Variants in ZNF610 observed in about 807,000 individuals in gnomAD.
ZNF610 encodes zink finger protein.
ZNF610 carries 14 observed loss-of-function variants against 14.1 expected under a neutral mutation model. The observed-to-expected ratio is 0.99, with a 90% CI of 0.65 to 1.55. The LOEUF is 1.55. Among genes scored for constraint, ZNF610 ranks in the 40% most tolerant of loss-of-function variants. ZNF610 has a pLI of 0.00. For synonymous variants in ZNF610, 185 were observed against 187.6 expected, an observed-to-expected ratio of 0.99 and a Z score of 0.11; for missense variants, 530 against 558.0, an observed-to-expected ratio of 0.95 and a Z score of 0.51.
chr19:52,356,047 A>G (rs2122247626), intron 5 of ZNF610, among the ~76,000 whole-genome samples: 1 of 152,224 alleles, frequency 6.6e-6, no homozygotes, highest in East Asian at 1.9e-4. Context: ...AATCAGCCCC[A>G]TCCAAGGAAC....
rs184669364 is a variant in ZNF610, at chr19:52,339,163, G to A, written c.-258+2657G>A. On this transcript the variant is annotated intron_variant, in intron 1 of 5. Coordinates refer to ENST00000403906, the MANE Select transcript of ZNF610 (RefSeq NM_001161425.2). ...CATGTCTCACCTCCAGCCCTAAGGC[G>A]GTTTTCTCCTATCTCAGTAAATAGA... 5.3e-5 allele frequency among the ~76,000 whole-genome samples: 8 copies of A among 151,930 alleles called. No homozygotes were observed. In the East Asian group the frequency reaches 1.2e-3, roughly 22 times the overall value.
the ZNF610 span, among the ~76,000 whole-genome samples, chr19:52,331,130 C>T: frequency 6.6e-6 from 1 of 152,112 alleles, no homozygotes; most frequent in Non-Finnish European, 1.5e-5. Context: ...ATTTTTATAG[C>T]TGAGAAACCT....
intron 1 of ZNF610, among the ~76,000 whole-genome samples, chr19:52,339,739 A>T (rs1305579369): frequency 6.6e-6 from 1 of 152,134 alleles, no homozygotes; most frequent in East Asian, 1.9e-4. Context: ...CACACACCAC[A>T]ACCATTGCCT....
chr19:52,364,092 A>G (rs970727731), intron 5 of ZNF610, among the ~76,000 whole-genome samples: 28 of 152,250 alleles, frequency 1.8e-4, no homozygotes, highest in African/African-American at 6.8e-4. Flanking sequence ...AAATGTCAAC[A>G]GCTTAACCTT....
intron 5 of ZNF610, among the ~76,000 whole-genome samples, chr19:52,361,345 AT>A (rs1349053497): frequency 6.6e-6 from 1 of 151,372 alleles, no homozygotes; most frequent in Admixed American, 6.6e-5. Flanking sequence ...GGCCTGGCTA[AT>A]TTTTTGTATT....
At chr19:52,340,654 A>G (rs1984642736) in intron 1 of ZNF610, among the ~76,000 whole-genome samples, 1 of 143,454 alleles carries the variant, frequency 7.0e-6, no homozygotes, top group South Asian at 2.3e-4. Context: ...GGTGTCGTTA[A>G]TTTTTTTGTC....
At chr19:52,359,554 C>A (rs1296190330) in intron 5 of ZNF610, among the ~76,000 whole-genome samples, 1 of 152,178 alleles carries the variant, frequency 6.6e-6, no homozygotes, top group African/African-American at 2.4e-5. Context: ...GGAACTCAGG[C>A]ATCCACAGAT....
At chr19:52,334,237 G>A (rs1457559588), upstream of ZNF610, among the ~76,000 whole-genome samples, 5 of 149,520 alleles carry the variant, frequency 3.3e-5, no homozygotes, top group Admixed American at 6.7e-5. Flanking sequence ...AATTTAGGCC[G>A]GGCTTGGTGG....
At chr19:52,338,491 C>T (rs1984485976) in intron 1 of ZNF610, among the ~76,000 whole-genome samples, 1 of 152,188 alleles carries the variant, frequency 6.6e-6, no homozygotes, top group East Asian at 1.9e-4. Flanking sequence ...TCAAGACCAG[C>T]GTGGCCAACA....
At chr19:52,363,685 T>C (rs2560968) in intron 5 of ZNF610, among the ~76,000 whole-genome samples, 30,179 of 152,174 alleles carry the variant, frequency 0.2, 3,175 homozygotes, top group East Asian at 0.32. Flanking sequence ...GACACCTCTG[T>C]GCTCTGCTGG....
chr19:52,353,664 A>G lies in ZNF610; in HGVS notation c.64-18A>G, dbSNP rs374738593. The G allele has an allele frequency of 1.4e-4, 233 of 1,612,992 alleles. No homozygotes were observed. The highest frequency in any genetic ancestry group is 1.9e-4 in the Non-Finnish European group (225 of 1,179,480). On this transcript the variant is annotated intron_variant, in intron 3 of 5. Coordinates refer to ENST00000403906, the MANE Select transcript of ZNF610 (RefSeq NM_001161425.2). The stretch of plus-strand genomic sequence containing the variant: ...TTCTACATTTTTAGTGTTGTAAACA[A>G]TGTGGTCCTCATTTTAGGGACGCTT...
chr19:52,336,115 A>C (rs1366287981), upstream of ZNF610: 1 of 153,634 alleles, frequency 6.5e-6, no homozygotes, highest in Non-Finnish European at 1.5e-5. Context: ...CAGTTTGCAG[A>C]GGGCTGAGCT....
chr19:52,358,403 C>T (rs1473430651), intron 5 of ZNF610, among the ~76,000 whole-genome samples: 2 of 152,186 alleles, frequency 1.3e-5, no homozygotes, highest in East Asian at 3.9e-4. Context: ...AGGATGGTCT[C>T]GATCTCCTGA....
intron 1 of ZNF610, among the ~76,000 whole-genome samples, chr19:52,344,715 A>G (rs1014066683): frequency 1.3e-5 from 2 of 152,240 alleles, no homozygotes; most frequent in Admixed American, 1.3e-4. Context: ...TTACACAGAA[A>G]GTTCCAAAAA....
chr19:52,361,701 C>T (rs941463396), intron 5 of ZNF610, among the ~76,000 whole-genome samples: 1 of 151,944 alleles, frequency 6.6e-6, no homozygotes, highest in African/African-American at 2.4e-5. Flanking sequence ...CTCAAGTGAT[C>T]CTCCCGCCTT....
chr19:52,334,960 A>ACACACACACACACACACACACAG (rs59969071), upstream of ZNF610, among the ~76,000 whole-genome samples: 12,718 of 136,292 alleles, frequency 0.093, 855 homozygotes, highest in African/African-American at 0.14. Context: ...CACACACACA[A>ACACACACACACACACACACACAG]TGTAATTTAC....
chr19:52,366,401 A>G lies in ZNF610; in HGVS notation c.1023A>G (p.Glu341=). Residue 341 remains glutamate, a synonymous_variant, in exon 6 of 6, where the codon GAA becomes GAG. Transcript: ENST00000403906. ...LTNHQRSHTA[E]KPYKCNECGK... ...ATCATCAGAGAAGTCACACGGCGGAAAAACCTTACAAATGTAATGAATGTG... is the reference window on the plus strand; with the variant it reads ...ATCATCAGAGAAGTCACACGGCGGAGAAACCTTACAAATGTAATGAATGTG... 6.2e-7 allele frequency: 1 copy of G among 1,613,314 alleles called. No homozygotes were observed. The highest frequency in any genetic ancestry group is 8.5e-7 in the Non-Finnish European group (1 of 1,179,862).
upstream of ZNF610, among the ~76,000 whole-genome samples, chr19:52,335,018 G>A (rs567214008): frequency 2.7e-5 from 4 of 150,356 alleles, no homozygotes; most frequent in East Asian, 3.9e-4. Flanking sequence ...CAGTTGGGCC[G>A]GGTGCAGTGG....
rs1317967403 is a variant in ZNF610 at position 52,367,019 on chromosome 19, G to C, written c.*252G>C. On this transcript the variant is annotated 3_prime_UTR_variant, in exon 6 of 6. Coordinates refer to ENST00000403906, the MANE Select transcript of ZNF610 (RefSeq NM_001161425.2). ...AAAACTACCAGTATAGCATATTCTT[G>C]AGTAGGATTCACATTTAACTGCTGG... 4.9e-6 allele frequency: 2 copies of C among 411,960 alleles called. No individual in the cohort carries two copies. The highest frequency in any genetic ancestry group is 4.1e-5 in the African/African-American group (2 of 48,986). The allele number at this position is 411,960 out of a possible 1,614,324, so 25.5% of individuals were successfully genotyped here.
Sources: gnomAD v4.1 joint callset for allele counts (sites outside exome capture counted in the v4.1 genomes callset) on GRCh38, gnomAD v4.1.1 for gene constraint, MANE v1.5 for transcripts, NCBI Gene and HGNC (gene_info 2026-07-23, HGNC 2026-07-21) for gene names.